Variants in LETM1 observed in about 807,000 individuals in gnomAD.
LETM1 encodes the protein mitochondrial proton/calcium exchanger protein.
Under a neutral mutation model 74.5 loss-of-function variants are expected in LETM1, and 50 were observed. The observed-to-expected ratio is 0.67, with a 90% CI of 0.53 to 0.85. The LOEUF is 0.85. LETM1 is among the 40% of genes least tolerant of loss of function. LETM1 has a pLI of 0.00. For missense variants in LETM1, 824 were observed against 967.8 expected, an observed-to-expected ratio of 0.85 and a Z score of 1.97; for synonymous variants, 446 against 407.1, an observed-to-expected ratio of 1.10 and a Z score of -1.15.
intron 1 of LETM1, among the ~76,000 whole-genome samples, chr4:1,850,644 G>A (rs111275196): frequency 0.13 from 9,691 of 73,850 alleles, 1,322 homozygotes; most frequent in African/African-American, 0.37. Context: ...CTCTGTCTCA[G>A]AAAAAAAAAA....
At chr4:1,830,905 T>C (rs1424038054) in intron 6 of LETM1, among the ~76,000 whole-genome samples, 1 of 152,148 alleles carries the variant, frequency 6.6e-6, no homozygotes, top group Non-Finnish European at 1.5e-5. Flanking sequence ...CATGGTGGCA[T>C]GGGCGGTGGG....
At chr4:1,855,603 G>T (rs540215518) in intron 1 of LETM1, among the ~76,000 whole-genome samples, 2 of 152,360 alleles carry the variant, frequency 1.3e-5, no homozygotes, top group South Asian at 4.1e-4. Context: ...CAGCCCTTCA[G>T]AATTTTCCCA....
chr4:1,825,515 G>GTT, intron 7 of LETM1, 49 bp downstream of exon 7: 2 of 1,583,784 alleles, frequency 1.3e-6, no homozygotes, highest in Non-Finnish European at 1.7e-6. Flanking sequence ...CGAGGCTGAT[G>GTT]TTTCCCTTGA....
intron 6 of LETM1, among the ~76,000 whole-genome samples, chr4:1,828,807 G>C (rs1577316588): frequency 7.3e-6 from 1 of 136,604 alleles, no homozygotes; most frequent in African/African-American, 2.8e-5. Context: ...GGCCGGGCAG[G>C]GGGGCTGACC....
intron 6 of LETM1, among the ~76,000 whole-genome samples, chr4:1,826,554 T>A (rs1037639545): frequency 1.3e-5 from 2 of 152,246 alleles, no homozygotes; most frequent in African/African-American, 4.8e-5. Context: ...TGTCTGCTGC[T>A]GTCACCTGGA....
At chr4:1,820,030 C>G (rs1711721622) in intron 10 of LETM1, among the ~76,000 whole-genome samples, 1 of 152,220 alleles carries the variant, frequency 6.6e-6, no homozygotes, top group African/African-American at 2.4e-5. Flanking sequence ...CTTGATCTCC[C>G]AAGCTCAAGC....
At chr4:1,849,237 G>T (rs1233623550) in intron 1 of LETM1, 28 bp from the exon 2 acceptor site, 1 of 1,538,680 alleles carries the variant, frequency 6.5e-7, no homozygotes, top group East Asian at 2.2e-5. Flanking sequence ...GAAAATAAAT[G>T]AGTAGTAAAT....
At chr4:1,820,110 A>T (rs1388028387) in intron 10 of LETM1, among the ~76,000 whole-genome samples, 1 of 151,696 alleles carries the variant, frequency 6.6e-6, no homozygotes, top group Non-Finnish European at 1.5e-5. Flanking sequence ...CCAACTTTTT[A>T]TTTTTTGTAA....
rs1356684263 is a variant in LETM1, at chr4:1,813,353, C to A, written c.*1071G>T. ...CTTAAAAAGATGAGTGTGACACAGC[C>A]GGCTGGGCAGGAGGATGGAGGTGCC... On this transcript the variant is annotated 3_prime_UTR_variant, in exon 14 of 14. Transcript: ENST00000302787. The A allele has an allele frequency of 6.6e-6, 1 of 152,340 alleles. No homozygotes were observed. The highest frequency in any genetic ancestry group is 2.1e-4 in the South Asian group (1 of 4,830). 9.4% of individuals were successfully genotyped at this position (152,340 alleles called of 1,614,324 possible). A position where few individuals can be genotyped will look rare whatever the true frequency, so the allele number is the denominator to read the frequency against.
chr4:1,855,364 G>C (rs1332716933), intron 1 of LETM1, among the ~76,000 whole-genome samples: 1 of 152,140 alleles, frequency 6.6e-6, no homozygotes, highest in Non-Finnish European at 1.5e-5. Context: ...CGTGTTCCCC[G>C]GGTGCCGGTC....
At chr4:1,835,762 T>C (rs556998820) in intron 4 of LETM1, among the ~76,000 whole-genome samples, 3 of 152,188 alleles carry the variant, frequency 2.0e-5, no homozygotes, top group East Asian at 3.9e-4. Flanking sequence ...TAGGGGAGTG[T>C]TCCTGGTCTA....
intron 10 of LETM1, among the ~76,000 whole-genome samples, chr4:1,819,698 G>A (rs779892054): frequency 1.1e-4 from 16 of 152,160 alleles, no homozygotes; most frequent in East Asian, 3.9e-4. Flanking sequence ...TGTTTAAAGC[G>A]CGTCATCTAT....
chr4:1,847,551 G>A (rs1454742468), intron 2 of LETM1, among the ~76,000 whole-genome samples: 1 of 152,016 alleles, frequency 6.6e-6, no homozygotes, highest in Non-Finnish European at 1.5e-5. Flanking sequence ...TAGGCGCAGT[G>A]GCTCACACCT....
intron 12 of LETM1, among the ~76,000 whole-genome samples, chr4:1,816,367 G>A (rs917292186): frequency 1.3e-5 from 2 of 152,204 alleles, no homozygotes; most frequent in Non-Finnish European, 2.9e-5. Flanking sequence ...CACAGAGAAG[G>A]CCGACTGCCC....
rs1444971644 is a variant in LETM1, at chr4:1,834,183, C to A, written c.876+662G>T. 1 of 159,618 alleles carries A rather than the reference C, an allele frequency of 6.3e-6. No homozygotes were observed. Among genetic ancestry groups the A allele is most frequent in the African/African-American group, 2.4e-5 (1 of 41,612 alleles). The allele number at this position is 159,618 out of a possible 1,614,324, so 9.9% of individuals were successfully genotyped here. A position where few individuals can be genotyped will look rare whatever the true frequency, so the allele number is the denominator to read the frequency against. ...TCTGTGCTGCAGCGGGAAAACCCCA[C>A]AGACAACGCACACGCATGGCTGGAG... is the stretch of plus-strand genomic sequence containing the variant. On this transcript the variant is annotated intron_variant, in intron 5 of 13. Transcript: ENST00000302787. This position sits in a 1 kb window ranked among gnomAD's most constrained non-coding sequence, Gnocchi z 5.0.
In LETM1 at chr4:1,836,813, G is replaced by A. The variant is rs528098101; in HGVS notation, c.595-241C>T. Among the ~76,000 whole-genome samples the A allele has an allele frequency of 2.6e-4, 40 of 152,230 alleles. No homozygotes were observed. Among genetic ancestry groups the A allele is most frequent in the African/African-American group, 9.1e-4 (38 of 41,544 alleles). ...AAGCAGGGTATGGTGCTGACACCAA[G>A]GGCCACTGGGTGCTCCCAGCGATCG... On this transcript the variant is annotated intron_variant, in intron 3 of 13. Coordinates refer to ENST00000302787, the MANE Select transcript of LETM1 (RefSeq NM_012318.3). The surrounding 1 kb of genome is among the most constrained non-coding windows in gnomAD (Gnocchi z 5.8).
intron 3 of LETM1, among the ~76,000 whole-genome samples, chr4:1,838,019 TTAAA>T (rs1712515051): frequency 6.6e-6 from 1 of 152,142 alleles, no homozygotes; most frequent in African/African-American, 2.4e-5. Context: ...AAATAACTTC[TTAAA>T]TGTTTGTAAA....
intron 3 of LETM1, among the ~76,000 whole-genome samples, chr4:1,837,402 A>C (rs1712495332): frequency 6.6e-6 from 1 of 152,118 alleles, no homozygotes. Context: ...GGAGGGGAGA[A>C]CCCTGCCTTC....
In LETM1 at chr4:1,823,001, C is replaced by G; in HGVS notation, c.1463G>C (p.Arg488Pro). ...QEHREKELQK[R>P]SEVAKDFEPE... ...ACCACCGCTTACCGCCACCTCCGAG[C>G]GCTTCTGCAGCTCCTTCTCACGGTG... The change falls in exon 9 of 14, where the codon CGC becomes CCC. Residue 488 changes from arginine to proline, a missense_variant. Physicochemically the swap from Arg to Pro is moderately radical, Grantham distance 103. Around this residue, in one of 4 missense-constraint regions of LETM1, gnomAD observed 172 missense variants for 170.7 expected, o/e 1.01. Transcript: ENST00000302787. 1 of 1,591,076 alleles carries G rather than the reference C, an allele frequency of 6.3e-7. No homozygotes were observed. The highest frequency in any genetic ancestry group is 8.6e-7 in the Non-Finnish European group (1 of 1,166,354).
Sources: gnomAD v4.1 joint callset for allele counts (sites outside exome capture counted in the v4.1 genomes callset) on GRCh38, gnomAD v4.1.1 for gene constraint, gnomAD v4.1.1 regional missense constraint, Gnocchi (gnomAD v3.1) non-coding constraint, MANE v1.5 for transcripts, NCBI Gene and HGNC (gene_info 2026-07-23, HGNC 2026-07-21) for gene names.